Variants in KLHL8 observed in about 807,000 individuals in gnomAD.
The protein encoded by KLHL8 is kelch-like protein 8.
A neutral mutation model predicts 63.5 loss-of-function variants in KLHL8; 38 were observed. The ratio of observed to expected loss-of-function variants is 0.60; its 90% CI spans 0.46 to 0.78. The LOEUF is 0.78. KLHL8 is among the 30% of genes least tolerant of loss of function. The probability of loss-of-function intolerance (pLI) is 0.00; values close to 1 mark genes in which losing one functional copy is unlikely to be tolerated. For synonymous variants in KLHL8, 224 were observed against 254.3 expected, an observed-to-expected ratio of 0.88 and a Z score of 1.13; for missense variants, 566 against 752.4, an observed-to-expected ratio of 0.75 and a Z score of 2.90.
intron 1 of KLHL8, among the ~76,000 whole-genome samples, chr4:87,230,249 C>A (rs1200978743): frequency 6.6e-6 from 1 of 152,276 alleles, no homozygotes; most frequent in East Asian, 1.9e-4. Flanking sequence ...AAGAACGGAG[C>A]TGAGAGAGAA....
intron 2 of KLHL8, among the ~76,000 whole-genome samples, chr4:87,188,055 AT>A (rs935847958): frequency 2.0e-5 from 3 of 152,146 alleles, no homozygotes; most frequent in African/African-American, 4.8e-5. Context: ...CAAGACAATC[AT>A]TTCTGTCTGT....
chr4:87,184,330 CAT>C (rs1731171220), intron 3 of KLHL8, among the ~76,000 whole-genome samples: 3 of 146,622 alleles, frequency 2.0e-5, no homozygotes, highest in Non-Finnish European at 3.1e-5. Flanking sequence ...GTCTTATCAT[CAT>C]ACTCTGAATA....
Position 87,163,340 on chromosome 4 carries a change from CTA to C in KLHL8, c.*177_*178del, listed in dbSNP as rs754444404. On this transcript the variant is annotated 3_prime_UTR_variant, in exon 10 of 10. Coordinates refer to ENST00000273963, the MANE Select transcript of KLHL8 (RefSeq NM_020803.5). ...AAAGCAGGAAGTATCAAATTTAACT[CTA>C]TTACTAATAATTCTTCAGGTATCAT... 9.7e-5 allele frequency: 51 copies of C among 524,778 alleles called. No individual in the cohort carries two copies. Among genetic ancestry groups the C allele is most frequent in the Admixed American group, 1.5e-4 (4 of 27,068 alleles). The allele number at this position is 524,778 out of a possible 1,614,324, so 32.5% of individuals were successfully genotyped here.
chr4:87,215,669 A>T (rs1732567645), intron 1 of KLHL8, among the ~76,000 whole-genome samples: 1 of 152,200 alleles, frequency 6.6e-6, no homozygotes. Flanking sequence ...ATCATTATAC[A>T]AGGAAAACAG....
upstream of KLHL8, chr4:87,220,922 G>C (rs995163855): frequency 1.3e-5 from 2 of 152,364 alleles, no homozygotes; most frequent in East Asian, 3.9e-4. Flanking sequence ...CTGCGGTTGT[G>C]AGTGTTCCTG....
intron 2 of KLHL8, among the ~76,000 whole-genome samples, chr4:87,193,413 T>C (rs1483087021): frequency 2.6e-5 from 4 of 152,232 alleles, no homozygotes; most frequent in African/African-American, 9.6e-5. Flanking sequence ...TCATCTCCTA[T>C]AGTAACAATG....
In KLHL8 at chr4:87,170,174, T is replaced by A; in HGVS notation, c.1442A>T (p.Asp481Val). 1.2e-6 allele frequency: 2 copies of A among 1,613,626 alleles called. No individual in the cohort carries two copies. The highest frequency in any genetic ancestry group is 1.7e-6 in the Non-Finnish European group (2 of 1,179,536). Residue 481 changes from aspartate to valine, a missense_variant, in exon 8 of 10, where the codon GAT becomes GTT. By Grantham distance (152) the Asp-to-Val change is radical. Coordinates refer to ENST00000273963, the MANE Select transcript of KLHL8 (RefSeq NM_020803.5). ...MASLSSVERY[D>V]PHLDKWIEVK... ...TTCTATCCACTTATCCAGATGTGGA[T>A]CATATCTCTCCACGCTAGATAAAGA...
At chr4:87,182,767 T>G (rs1402310413) in intron 4 of KLHL8, among the ~76,000 whole-genome samples, 1 of 152,214 alleles carries the variant, frequency 6.6e-6, no homozygotes, top group Non-Finnish European at 1.5e-5. Context: ...CTATGTTTAG[T>G]GCCCTTTTTA....
At chr4:87,186,296 C>A (rs1163118861) in intron 2 of KLHL8, among the ~76,000 whole-genome samples, 3 of 152,084 alleles carry the variant, frequency 2.0e-5, no homozygotes, top group Non-Finnish European at 4.4e-5. Context: ...GATTCACCTG[C>A]CTCAGCCTCC....
intron 6 of KLHL8, among the ~76,000 whole-genome samples, chr4:87,175,618 G>A (rs569411613): frequency 1.3e-5 from 2 of 152,130 alleles, no homozygotes; most frequent in East Asian, 1.9e-4. Context: ...TTCCACCTTA[G>A]GATATCTAAA....
intron 3 of KLHL8, among the ~76,000 whole-genome samples, chr4:87,183,642 T>C (rs1041688132): frequency 2.0e-5 from 3 of 152,170 alleles, no homozygotes; most frequent in Admixed American, 2.0e-4. Flanking sequence ...TTAAATTATA[T>C]CCACCCACTT....
intron 6 of KLHL8, among the ~76,000 whole-genome samples, chr4:87,172,640 G>C (rs1212314002): frequency 6.6e-6 from 1 of 152,138 alleles, no homozygotes; most frequent in Non-Finnish European, 1.5e-5. Context: ...CTACCTAACT[G>C]TTCTTTCTAA....
At chr4:87,166,406 C>T (rs529166128) in intron 8 of KLHL8, among the ~76,000 whole-genome samples, 63 of 152,300 alleles carry the variant, frequency 4.1e-4, no homozygotes, top group African/African-American at 1.5e-3. Context: ...TAGTGACAAC[C>T]TCTCTGAATT....
In KLHL8 at chr4:87,160,118, A is replaced by C. The variant is rs1413764840; in HGVS notation, c.*3401T>G. 2 of 152,310 alleles carry C rather than the reference A, an allele frequency of 1.3e-5. No homozygotes were observed. Among genetic ancestry groups the C allele is most frequent in the Non-Finnish European group, 2.9e-5 (2 of 67,996 alleles). The allele number at this position is 152,310 out of a possible 1,614,324, so 9.4% of individuals were successfully genotyped here. On this transcript the variant is annotated 3_prime_UTR_variant, in exon 10 of 10. Coordinates refer to ENST00000273963, the MANE Select transcript of KLHL8 (RefSeq NM_020803.5). Reference sequence around the variant, plus strand: ...TAGAGAGAAGTTTGTGCTAATAGAAATATGCAATGTATTTTAATTAAATAA... The same window carrying C: ...TAGAGAGAAGTTTGTGCTAATAGAACTATGCAATGTATTTTAATTAAATAA...
At chr4:87,236,847 A>G (rs941442478) in intron 1 of KLHL8, among the ~76,000 whole-genome samples, 6 of 151,764 alleles carry the variant, frequency 4.0e-5, no homozygotes, top group African/African-American at 1.5e-4. Flanking sequence ...TATTTTTAGT[A>G]GAGACGGGGT....
rs537515999 is a variant in KLHL8 at position 87,220,501 on chromosome 4, G to C, written c.-235C>G. ...TCCCAGAGCCCCGGCCGCCCTCAGC[G>C]GAACCTCACCAACCCCGCGCGAGCA... On this transcript the variant is annotated 5_prime_UTR_variant, in exon 1 of 10. Coordinates refer to ENST00000273963, the MANE Select transcript of KLHL8 (RefSeq NM_020803.5). The C allele has an allele frequency of 2.8e-4, 42 of 152,350 alleles. No individual in the cohort carries two copies. Among genetic ancestry groups the C allele is most frequent in the African/African-American group, 9.1e-4 (38 of 41,564 alleles). The allele number at this position is 152,350 out of a possible 1,614,324, so 9.4% of individuals were successfully genotyped here. A position where few individuals can be genotyped will look rare whatever the true frequency, so the allele number is the denominator to read the frequency against.
intron 1 of KLHL8, among the ~76,000 whole-genome samples, chr4:87,218,755 G>A (rs1282580523): frequency 6.6e-6 from 1 of 151,564 alleles, no homozygotes; most frequent in East Asian, 1.9e-4. Flanking sequence ...CTTTTTTTGA[G>A]ATGGAGTCTC....
intron 1 of KLHL8, among the ~76,000 whole-genome samples, chr4:87,196,694 T>C (rs1008380863): frequency 6.6e-6 from 1 of 152,166 alleles, no homozygotes; most frequent in African/African-American, 2.4e-5. Flanking sequence ...ATCCACACCA[T>C]CCATAATTCT....
chr4:87,236,437 G>C (rs966966713), intron 1 of KLHL8, among the ~76,000 whole-genome samples: 1 of 151,930 alleles, frequency 6.6e-6, no homozygotes, highest in African/African-American at 2.4e-5. Flanking sequence ...TTGAACTCCT[G>C]ACCTTATGAT....
Sources: allele counts gnomAD v4.1 joint callset (sites outside exome capture counted in the v4.1 genomes callset), GRCh38; gene constraint gnomAD v4.1.1; transcripts MANE v1.5; gene names NCBI Gene and HGNC (gene_info 2026-07-23, HGNC 2026-07-21).